The following ZDHHC16 variants were observed in gnomAD, a reference collection of about 807,000 sequenced individuals.
The protein encoded by ZDHHC16 is zDHHC palmitoyltransferase 16, also known as palmitoyltransferase ZDHHC16.
ZDHHC16 carries 33 observed loss-of-function variants against 54.4 expected under a neutral mutation model. The ratio of observed to expected loss-of-function variants is 0.61; its 90% CI spans 0.46 to 0.81. ZDHHC16 has a LOEUF of 0.81. Ranked by LOEUF, ZDHHC16 falls within the 30% of genes least tolerant of loss-of-function variation. The probability of loss-of-function intolerance (pLI) is 0.00; values close to 1 mark genes in which losing one functional copy is unlikely to be tolerated. For synonymous variants in ZDHHC16, 185 were observed against 182.1 expected (o/e 1.02, Z -0.13); for missense variants, 420 against 485.9 (o/e 0.86, Z 1.28).
chr10:97,449,172 G>T (rs1456569476), intron 1 of ZDHHC16, among the ~76,000 whole-genome samples: 1 of 152,032 alleles, frequency 6.6e-6, no homozygotes, highest in Non-Finnish European at 1.5e-5. Flanking sequence ...TTCCTGCAGC[G>T]CTGAAGAATT....
At chr10:97,452,680 C>A in intron 5 of ZDHHC16, 177 bp downstream of exon 5, 1 of 916,788 alleles carries the variant, frequency 1.1e-6, no homozygotes, top group Non-Finnish European at 1.7e-6. Flanking sequence ...GGCATTATTA[C>A]CACTTGTGAA....
rs1452726725 is a variant in ZDHHC16, at chr10:97,455,721, G to A, written c.886G>A (p.Glu296Lys). Residue 296 changes from glutamate to lysine, a missense_variant, in exon 10 of 12, where the codon GAG becomes AAG. Glu to Lys is a moderately conservative substitution (Grantham distance 56, BLOSUM62 1). Transcript: ENST00000393760. ...GCATGCTGTTCTCATCAGTCGAGGT[G>A]AGACTAGCATCGAAAGGCACATCAA... ...VWHAVLISRG[E>K]TSIERHINKK... is the part of the protein sequence containing the mutation. The A allele has an allele frequency of 6.2e-7, 1 of 1,614,230 alleles. No individual in the cohort carries two copies.
At chr10:97,448,003 C>T (rs1238030705) in intron 1 of ZDHHC16, among the ~76,000 whole-genome samples, 1 of 152,178 alleles carries the variant, frequency 6.6e-6, no homozygotes, top group Non-Finnish European at 1.5e-5. Context: ...CATCCCATAC[C>T]CCATTAGCTA....
intron 1 of ZDHHC16, among the ~76,000 whole-genome samples, chr10:97,446,728 T>G (rs1023390862): frequency 5.3e-5 from 8 of 152,180 alleles, no homozygotes; most frequent in Non-Finnish European, 1.2e-4. Flanking sequence ...CCGGTTTTTT[T>G]GTTTTGTTTT....
At chr10:97,446,443 C>T (rs889356187) in intron 1 of ZDHHC16, 90 bp downstream of exon 1, 3 of 200,708 alleles carry the variant, frequency 1.5e-5, no homozygotes, top group African/African-American at 7.2e-5. Context: ...AGTGCGGGTT[C>T]CTGCTCTCTC....
At chr10:97,450,062 G>A (rs1263245215) in intron 1 of ZDHHC16, among the ~76,000 whole-genome samples, 1 of 148,322 alleles carries the variant, frequency 6.7e-6, no homozygotes, top group African/African-American at 2.5e-5. Context: ...TAGTAGAGAC[G>A]GGGTTTCACC....
At chr10:97,452,537 C>G in intron 5 of ZDHHC16, 34 bp downstream of exon 5, 1 of 1,604,326 alleles carries the variant, frequency 6.2e-7, no homozygotes, top group Non-Finnish European at 8.5e-7. Flanking sequence ...GGAATCCCAG[C>G]TGTGGTCCTT....
intron 9 of ZDHHC16, among the ~76,000 whole-genome samples, chr10:97,455,263 A>T (rs182509979): frequency 4.1e-4 from 63 of 152,310 alleles, no homozygotes; most frequent in Middle Eastern, 3.4e-3. Context: ...ATTTTAGGAA[A>T]TATAGAACAT....
At chr10:97,449,888 G>A (rs1349401154) in intron 1 of ZDHHC16, among the ~76,000 whole-genome samples, 1 of 78,384 alleles carries the variant, frequency 1.3e-5, no homozygotes, top group Non-Finnish European at 2.2e-5. Context: ...TTTTTGAGAC[G>A]GAGTCTCGCT....
chr10:97,456,784 C>T lies in ZDHHC16; in HGVS notation c.1027C>T (p.Leu343Phe), dbSNP rs1420263257. The T allele has an allele frequency of 6.2e-7, 1 of 1,611,636 alleles. No homozygotes were observed. ...FLGVDTGRHW[L>F]TRVLLPSSHL... ...TTCTCTCTTCTCTTCTAGGCACTGG[C>T]TTACTCGGGTGCTCTTACCTTCTAG... is the stretch of plus-strand genomic sequence containing the variant. Residue 343 changes from leucine to phenylalanine, a missense_variant, in exon 12 of 12, where the codon CTT becomes TTT. By Grantham distance (22) the Leu-to-Phe change is conservative. Coordinates refer to ENST00000393760, the MANE Select transcript of ZDHHC16 (RefSeq NM_198046.3).
In ZDHHC16 at chr10:97,455,657, T is replaced by TA; in HGVS notation, c.825-2dup. 1 of 1,614,214 alleles carries TA rather than the reference T, an allele frequency of 6.2e-7. No individual in the cohort carries two copies. Among genetic ancestry groups the TA allele is most frequent in the Non-Finnish European group, 8.5e-7 (1 of 1,180,040 alleles). On this transcript the variant is annotated splice_polypyrimidine_tract_variant and splice_region_variant and intron_variant, in intron 9 of 11. Transcript: ENST00000393760. ...CCACCAGTCTTCGCCCCTCTTTTCT[T>TA]AGTTCTGTGGCACTTGCCCTGGGTG...
In ZDHHC16 at chr10:97,452,216, T is replaced by C. The variant is rs1339854957; in HGVS notation, c.370T>C (p.Trp124Arg). The change falls in exon 4 of 12, where the codon TGG (tryptophan) becomes CGG (arginine). Residue 124 changes from tryptophan (W) to arginine (R), a missense_variant. Physicochemically the swap from Trp to Arg is moderately radical, Grantham distance 101. Transcript: ENST00000393760. The stretch of plus-strand genomic sequence containing the variant: ...CTGCTGGCATTTCTTCTATAGCCAC[T>C]GGAATCTGATCCTGATTGTCTTCCA... Reference protein sequence around the residue: ...RLCWHFFYSHWNLILIVFHYY... With the variant: ...RLCWHFFYSHRNLILIVFHYY... 18 of 1,614,170 alleles carry C rather than the reference T, an allele frequency of 1.1e-5. No individual in the cohort carries two copies. Among genetic ancestry groups the C allele is most frequent in the Non-Finnish European group, 1.5e-5 (18 of 1,180,038 alleles).
intron 4 of ZDHHC16, 26 bp from the exon 5 acceptor site, chr10:97,452,389 C>G (rs760350666): frequency 6.2e-7 from 1 of 1,612,986 alleles, no homozygotes; most frequent in South Asian, 1.1e-5. Flanking sequence ...ACTGGTGCTG[C>G]CACGTTATGC....
chr10:97,456,143 G>GTGT, intron 11 of ZDHHC16, 99 bp downstream of exon 11: 1 of 1,239,122 alleles, frequency 8.1e-7, no homozygotes, highest in Non-Finnish European at 1.2e-6. Flanking sequence ...AGTGGCTACT[G>GTGT]TGTTAGCACA....
intron 9 of ZDHHC16, 171 bp from the exon 10 acceptor site, chr10:97,455,489 T>C: frequency 1.7e-6 from 2 of 1,155,736 alleles, no homozygotes; most frequent in Non-Finnish European, 2.5e-6. Context: ...TTTTCATTGA[T>C]GCTCTTTATA....
At chr10:97,447,659 C>T (rs563722030) in intron 1 of ZDHHC16, among the ~76,000 whole-genome samples, 78 of 152,302 alleles carry the variant, frequency 5.1e-4, no homozygotes, top group African/African-American at 1.4e-3. Flanking sequence ...CGGTGGCTCA[C>T]GCCTGCAATC....
At chr10:97,456,561 C>A in intron 11 of ZDHHC16, 1 of 444,850 alleles carries the variant, frequency 2.2e-6, no homozygotes, top group Middle Eastern at 5.9e-4. Context: ...TTACAGTGGA[C>A]CTTTAGAAGT....
intron 1 of ZDHHC16, among the ~76,000 whole-genome samples, chr10:97,447,738 A>G (rs1470877356): frequency 1.3e-5 from 2 of 152,168 alleles, no homozygotes; most frequent in Non-Finnish European, 2.9e-5. Context: ...CCTGACCAAC[A>G]TGGAGAAACC....
intron 1 of ZDHHC16, 38 bp downstream of exon 1, chr10:97,446,391 T>A (rs1846023430): frequency 3.2e-6 from 1 of 310,022 alleles, no homozygotes; most frequent in Admixed American, 5.0e-5. Flanking sequence ...CCCATCCTAG[T>A]CCCTTTTTCT....
Sources: gnomAD v4.1 joint callset for allele counts (sites outside exome capture counted in the v4.1 genomes callset) on GRCh38, gnomAD v4.1.1 for gene constraint, MANE v1.5 for transcripts, NCBI Gene and HGNC (gene_info 2026-07-23, HGNC 2026-07-21) for gene names.